CELF2: variants seen among roughly 807,000 people sequenced by gnomAD.
The protein encoded by CELF2 is CUG triplet repeat RNA-binding protein 2.
CELF2 carries 8 observed loss-of-function variants against 62.6 expected under a neutral mutation model. The observed-to-expected ratio is 0.13, with a 90% confidence interval of 0.07 to 0.23. The LOEUF (loss-of-function observed/expected upper bound fraction) is 0.23, where lower values mean the gene tolerates loss of function less well. Ranked by LOEUF, CELF2 falls within the 10% of genes least tolerant of loss-of-function variation. CELF2 has a pLI of 1.00. For missense variants in CELF2, 333 were observed against 671.0 expected (o/e 0.50, Z 5.56); for synonymous variants, 258 against 250.0 (o/e 1.03, Z -0.30).
chr10:10,475,726 A>G, the CELF2 span, among the ~76,000 whole-genome samples: 15 of 152,090 alleles, frequency 9.9e-5, no homozygotes, highest in African/African-American at 3.4e-4. Context: ...TTACTTGTTA[A>G]CACTTTGCTC....
chr10:10,943,381 G>A lies in CELF2; in HGVS notation c.89+23382G>A, dbSNP rs537945380. Among the ~76,000 whole-genome samples the A allele has an allele frequency of 2.0e-5, 3 of 152,304 alleles. No homozygotes were observed. The South Asian group carries it at 6.2e-4, about 32-fold the overall frequency. ...ATTAGTTGACCTCTGGAAGGAAAAA[G>A]CCATGTGGACCCAAGAGCTACAGAC... On this transcript the variant is annotated intron_variant, in intron 2 of 13. Transcript: ENST00000636488.
rs76887278 is a variant in CELF2 at position 11,076,265 on chromosome 10, C to G, written c.74+58102C>G. ...AGATTATTGGAGGATAAGGAGGATACTATACAGAACTTTGTCTTAGAATTG... is the reference window on the plus strand; with the variant it reads ...AGATTATTGGAGGATAAGGAGGATAGTATACAGAACTTTGTCTTAGAATTG... On this transcript the variant is annotated intron_variant, in intron 1 of 12. Coordinates refer to ENST00000633077, the MANE Select transcript of CELF2 (RefSeq NM_001326342.2). Among the ~76,000 whole-genome samples the G allele has an allele frequency of 7.8e-3, 1,180 of 150,938 alleles. 15 individuals are homozygous for G. Among genetic ancestry groups the G allele is most frequent in the African/African-American group, 0.028 (1,132 of 40,746 alleles).
the CELF2 span, among the ~76,000 whole-genome samples, chr10:10,707,649 A>T: frequency 2.2e-4 from 33 of 152,334 alleles, no homozygotes; most frequent in African/African-American, 7.9e-4. Context: ...CTGAAGCAGA[A>T]GCGGACGAAA....
the CELF2 span, among the ~76,000 whole-genome samples, chr10:10,655,884 A>C: frequency 7.5e-6 from 1 of 133,828 alleles, no homozygotes; most frequent in Non-Finnish European, 1.6e-5. Flanking sequence ...GATCTCATTA[A>C]ACTAAAGAGC....
In CELF2 at chr10:10,967,665, T is replaced by C. The variant is rs563372145; in HGVS notation, c.89+47666T>C. On this transcript the variant is annotated intron_variant, in intron 2 of 13. Transcript: ENST00000636488. The stretch of plus-strand genomic sequence containing the variant: ...CAAGGCTGCTGGAGGGGCCTCGGGC[T>C]GAACGGGCCTGCCTTAGTGTTCCTG... Among the ~76,000 whole-genome samples, 9 of 152,316 alleles carry C rather than the reference T, an allele frequency of 5.9e-5. No individual in the cohort carries two copies. The South Asian group carries it at 1.9e-3, about 32-fold the overall frequency.
At chr10:10,704,162 G>A in the CELF2 span, among the ~76,000 whole-genome samples, 3 of 152,132 alleles carry the variant, frequency 2.0e-5, no homozygotes, top group Non-Finnish European at 4.4e-5. Flanking sequence ...TGAGATTTCT[G>A]ATTACCAAGA....
rs2062733022 is a variant in CELF2 at position 11,214,365 on chromosome 10, CTA to C, written c.272-3059_272-3058del. 6.6e-6 allele frequency among the ~76,000 whole-genome samples: 1 copy of C among 152,164 alleles called. No homozygotes were observed. The highest frequency in any genetic ancestry group is 2.4e-5 in the African/African-American group (1 of 41,442). On this transcript the variant is annotated intron_variant, in intron 2 of 12. Transcript: ENST00000633077. The surrounding 1 kb of genome is among the most constrained non-coding windows in gnomAD (Gnocchi z 4.2). Reference sequence around the variant, plus strand: ...TTCCCCACGGTAAGTCATTCAGAAACTAAATGTGAAAAACCAAAAGAAGCCTC... The same window carrying C: ...TTCCCCACGGTAAGTCATTCAGAAACAATGTGAAAAACCAAAAGAAGCCTC...
intron 1 of CELF2, among the ~76,000 whole-genome samples, chr10:11,066,487 A>G (rs2068205105): frequency 6.6e-6 from 1 of 152,146 alleles, no homozygotes; most frequent in Non-Finnish European, 1.5e-5. Flanking sequence ...ACTCAAGGGC[A>G]GAGTCAGTAT....
In CELF2 at chr10:11,244,310, CTG is replaced by C. The variant is rs1429615412; in HGVS notation, c.355-4841_355-4840del. ...GTCCAGCCTATGAACATATCCCTCA[CTG>C]TTAGTCTTGTGCTTTAGGTGTCTTG... On this transcript the variant is annotated intron_variant, in intron 3 of 12. Coordinates refer to ENST00000633077, the MANE Select transcript of CELF2 (RefSeq NM_001326342.2). This position sits in a 1 kb window ranked among gnomAD's most constrained non-coding sequence, Gnocchi z 4.2. 2.6e-5 allele frequency among the ~76,000 whole-genome samples: 4 copies of C among 152,246 alleles called. No individual in the cohort carries two copies. The highest frequency in any genetic ancestry group is 5.9e-5 in the Non-Finnish European group (4 of 68,042).
intron 2 of CELF2, among the ~76,000 whole-genome samples, chr10:10,954,224 T>TTAA (rs921774629): frequency 1.4e-5 from 1 of 73,128 alleles, no homozygotes; most frequent in Non-Finnish European, 2.8e-5. Flanking sequence ...ATTATTATTA[T>TTAA]TATTATTATT....
At chr10:11,066,585 G>C (rs1384443276) in intron 1 of CELF2, among the ~76,000 whole-genome samples, 1 of 152,118 alleles carries the variant, frequency 6.6e-6, no homozygotes, top group Non-Finnish European at 1.5e-5. Flanking sequence ...AGACCCCCAT[G>C]AGCATCCCAC....
chr10:10,910,699 CAAA>C (rs55954207), intron 1 of CELF2, among the ~76,000 whole-genome samples: 9,107 of 92,082 alleles, frequency 0.099, 496 homozygotes, highest in African/African-American at 0.25. Context: ...GACTCTGCCT[CAAA>C]AAAAAAAAAA....
intron 1 of CELF2, among the ~76,000 whole-genome samples, chr10:10,839,867 T>C (rs1042649585): frequency 6.6e-6 from 1 of 152,248 alleles, no homozygotes; most frequent in Non-Finnish European, 1.5e-5. Flanking sequence ...GTGCTTCACC[T>C]ATTCAACCTC....
In CELF2 at chr10:11,285,373, A is replaced by G. The variant is rs1467955221; in HGVS notation, c.842-3045A>G. 1.3e-5 allele frequency among the ~76,000 whole-genome samples: 2 copies of G among 151,952 alleles called. No individual in the cohort carries two copies. The highest frequency in any genetic ancestry group is 3.9e-4 in the East Asian group (2 of 5,182). On this transcript the variant is annotated intron_variant, in intron 8 of 12. Transcript: ENST00000633077. This position sits in a 1 kb window ranked among gnomAD's most constrained non-coding sequence, Gnocchi z 4.3. ...TATGCCCCCGTGTGGTGCCTCAGAGACTCAGCCACTCCCCCTGGACTTTCC... is the reference window on the plus strand; with the variant it reads ...TATGCCCCCGTGTGGTGCCTCAGAGGCTCAGCCACTCCCCCTGGACTTTCC...
chr10:10,965,228 T>A (rs1026591958), intron 2 of CELF2, among the ~76,000 whole-genome samples: 2 of 152,228 alleles, frequency 1.3e-5, no homozygotes, highest in African/African-American at 4.8e-5. Context: ...ATGGTATGGT[T>A]TGACAGTAAG....
chr10:11,021,278 AT>A (rs1347262468), intron 1 of CELF2, among the ~76,000 whole-genome samples: 1 of 152,122 alleles, frequency 6.6e-6, no homozygotes, highest in South Asian at 2.1e-4. Context: ...TTAAAAATAA[AT>A]TTTTTTTACA....
chr10:10,788,453 C>CTTT, the CELF2 span, among the ~76,000 whole-genome samples: 121 of 95,750 alleles, frequency 1.3e-3, 12 homozygotes, highest in East Asian at 2.1e-3. Flanking sequence ...TTCTTTCCAT[C>CTTT]TTTTTTTTTT....
intron 1 of CELF2, among the ~76,000 whole-genome samples, chr10:11,097,658 A>C (rs961239789): frequency 2.6e-5 from 4 of 152,154 alleles, no homozygotes; most frequent in African/African-American, 9.7e-5. Flanking sequence ...TTTTGTCTCT[A>C]TTCTTTGTCA....
At chr10:10,739,007 G>C in the CELF2 span, among the ~76,000 whole-genome samples, 1 of 152,102 alleles carries the variant, frequency 6.6e-6, no homozygotes, top group Non-Finnish European at 1.5e-5. Context: ...CAACTTTTCT[G>C]TAAATCTACA....
Sources: gnomAD v4.1 joint callset for allele counts (sites outside exome capture counted in the v4.1 genomes callset) on GRCh38, gnomAD v4.1.1 for gene constraint, Gnocchi (gnomAD v3.1) non-coding constraint, MANE v1.5 for transcripts, NCBI Gene and HGNC (gene_info 2026-07-23, HGNC 2026-07-21) for gene names.